ADAMTSL2: variants seen among roughly 807,000 people sequenced by gnomAD.
ADAMTSL2 encodes ADAMTS like 2, also known as ADAMTS-like protein 2.
A neutral mutation model predicts 117.0 loss-of-function variants in ADAMTSL2; 55 were observed. The ratio of observed to expected loss-of-function variants is 0.47; its 90% CI spans 0.38 to 0.59. The LOEUF is 0.59. ADAMTSL2 is among the 20% of genes least tolerant of loss of function. The pLI is 0.00. For missense variants in ADAMTSL2, 1,182 were observed against 1,354.5 expected, an observed-to-expected ratio of 0.87 and a Z score of 2.00; for synonymous variants, 572 against 566.4, an observed-to-expected ratio of 1.01 and a Z score of -0.14.
chr9:133,551,741 C>A (rs1380537505), intron 9 of ADAMTSL2, among the ~76,000 whole-genome samples: 1 of 146,626 alleles, frequency 6.8e-6, no homozygotes, highest in South Asian at 2.4e-4. Flanking sequence ...GCCCATGTGG[C>A]GGGCTGCTTG....
At chr9:133,573,771 T>A (rs1353491892) in intron 17 of ADAMTSL2, 72 bp from the exon 18 acceptor site, 1 of 1,589,334 alleles carries the variant, frequency 6.3e-7, no homozygotes, top group East Asian at 2.2e-5. Context: ...AGTGTGCAGG[T>A]TCCCCGCCCC....
At chr9:133,539,552 TG>T in intron 4 of ADAMTSL2, among the ~76,000 whole-genome samples, 1 of 140,578 alleles carries the variant, frequency 7.1e-6, no homozygotes, top group Admixed American at 7.1e-5. Context: ...AGGGCTGGCG[TG>T]GGGGGCGGAG....
chr9:133,541,784 C>T (rs1588281147), intron 7 of ADAMTSL2, among the ~76,000 whole-genome samples: 3 of 152,304 alleles, frequency 2.0e-5, no homozygotes, highest in African/African-American at 4.8e-5. Context: ...GCATTTGGCC[C>T]GATGTTTGTG....
intron 15 of ADAMTSL2, among the ~76,000 whole-genome samples, chr9:133,569,197 C>G (rs1831047354): frequency 6.6e-6 from 1 of 152,148 alleles, no homozygotes; most frequent in South Asian, 2.1e-4. Context: ...CACAGATGAT[C>G]TTTTTAAGTG....
In ADAMTSL2 at chr9:133,571,058, G is replaced by A. The variant is rs1046492790; in HGVS notation, c.2592+551G>A. Among the ~76,000 whole-genome samples, 237 of 152,302 alleles carry A rather than the reference G, an allele frequency of 1.6e-3. 2 individuals carry two copies. The highest frequency in any genetic ancestry group is 5.5e-3 in the African/African-American group (227 of 41,554). Reference sequence around the variant, plus strand: ...TCTTGGGCCCCCAGAATGCCCCAGCGTCAGGATGTGAGGCAGGACTATGCT... The same window carrying A: ...TCTTGGGCCCCCAGAATGCCCCAGCATCAGGATGTGAGGCAGGACTATGCT... On this transcript the variant is annotated intron_variant, in intron 17 of 18. Coordinates refer to ENST00000651351, the MANE Select transcript of ADAMTSL2 (RefSeq NM_014694.4).
intron 8 of ADAMTSL2, among the ~76,000 whole-genome samples, 178 bp from the exon 9 acceptor site, chr9:133,546,860 G>A (rs1327295853): frequency 6.6e-6 from 1 of 152,158 alleles, no homozygotes; most frequent in African/African-American, 2.4e-5. Flanking sequence ...AGAGGAACGT[G>A]CGTTTGCCCC....
intron 12 of ADAMTSL2, among the ~76,000 whole-genome samples, chr9:133,564,183 GGAGA>G (rs1267561929): frequency 6.3e-4 from 3 of 4,742 alleles, no homozygotes; most frequent in East Asian, 2.3e-3. Context: ...AGAGAGAGAG[GGAGA>G]GAGAGAGAGA....
Position 133,552,103 on chromosome 9 carries a change from C to T in ADAMTSL2, c.940-2254C>T, listed in dbSNP as rs536834397. On this transcript the variant is annotated intron_variant, in intron 9 of 18. Coordinates refer to ENST00000651351, the MANE Select transcript of ADAMTSL2 (RefSeq NM_014694.4). ...TCGGCCTCCCAAAGTGCTGGGATTA[C>T]AGGCGTGAGCCACCGCACCTGGCCA... Among the ~76,000 whole-genome samples, 100 of 152,310 alleles carry T rather than the reference C, an allele frequency of 6.6e-4. 1 individual carries two copies. Among genetic ancestry groups the T allele is most frequent in the Non-Finnish European group, 1.3e-4 (9 of 68,028 alleles).
rs1045235082 is a variant in ADAMTSL2 at position 133,554,983 on chromosome 9, C to G, written c.1276+290C>G. Among the ~76,000 whole-genome samples the G allele has an allele frequency of 4.6e-5, 7 of 152,104 alleles. No homozygotes were observed. Among genetic ancestry groups the G allele is most frequent in the Non-Finnish European group, 8.8e-5 (6 of 68,018 alleles). ...AGTCATGCAGTCCACCGTGGAGGAG[C>G]TGGGAGTCAAATGCAGGATGGTCTG... On this transcript the variant is annotated intron_variant, in intron 10 of 18. Transcript: ENST00000651351. This position sits in a 1 kb window ranked among gnomAD's most constrained non-coding sequence, Gnocchi z 5.2.
intron 1 of ADAMTSL2, among the ~76,000 whole-genome samples, chr9:133,535,216 G>A (rs1305627050): frequency 2.0e-5 from 3 of 152,200 alleles, no homozygotes; most frequent in Non-Finnish European, 4.4e-5. Flanking sequence ...AGCCAGTGGT[G>A]TCTGGAAGCC....
At chr9:133,549,591 T>G (rs1349081950) in intron 9 of ADAMTSL2, among the ~76,000 whole-genome samples, 1 of 148,422 alleles carries the variant, frequency 6.7e-6, no homozygotes, top group African/African-American at 2.5e-5. Flanking sequence ...TGCTATGTTG[T>G]CCAGGCTGGT....
intron 11 of ADAMTSL2, 36 bp from the exon 12 acceptor site, chr9:133,561,162 C>T (rs1830718762): frequency 9.7e-6 from 15 of 1,548,264 alleles, no homozygotes; most frequent in South Asian, 2.3e-5. Context: ...GGGCCTGGAG[C>T]GTCTCATCAC....
intron 9 of ADAMTSL2, among the ~76,000 whole-genome samples, chr9:133,551,304 A>ACC (rs370839921): frequency 0.11 from 16,905 of 151,448 alleles, 1,203 homozygotes; most frequent in Non-Finnish European, 0.14. Context: ...GGGCCCCCCC[A>ACC]CACACAGCCA....
chr9:133,557,870 G>A lies in ADAMTSL2; in HGVS notation c.1649+1940G>A, dbSNP rs1023211122. On this transcript the variant is annotated intron_variant, in intron 11 of 18. Transcript: ENST00000651351. The surrounding 1 kb of genome is among the most constrained non-coding windows in gnomAD (Gnocchi z 5.2). ...TTTATCAGAGTGGCACCGAGGCCTC[G>A]CTGTGGAATTTGGCTTAAGGCATGG... Among the ~76,000 whole-genome samples the A allele has an allele frequency of 2.6e-4, 40 of 152,284 alleles. No homozygotes were observed. The highest frequency in any genetic ancestry group is 9.1e-4 in the African/African-American group (38 of 41,550).
At chr9:133,552,020 G>A (rs1017481845) in intron 9 of ADAMTSL2, among the ~76,000 whole-genome samples, 3 of 151,918 alleles carry the variant, frequency 2.0e-5, no homozygotes, top group African/African-American at 2.4e-5. Context: ...AGTAGAGATG[G>A]GGTTTCACTA....
intron 9 of ADAMTSL2, among the ~76,000 whole-genome samples, chr9:133,551,449 A>G (rs1830481343): frequency 6.6e-6 from 1 of 152,046 alleles, no homozygotes; most frequent in Admixed American, 6.5e-5. Context: ...TCCACCTTAC[A>G]ATGGATTGCT....
intron 9 of ADAMTSL2, among the ~76,000 whole-genome samples, chr9:133,553,701 C>T (rs994850049): frequency 1.3e-5 from 2 of 152,186 alleles, no homozygotes; most frequent in Non-Finnish European, 2.9e-5. Context: ...AAATCCTAGG[C>T]CTGCCTGCTC....
upstream of ADAMTSL2, chr9:133,534,668 G>T: frequency 7.5e-7 from 1 of 1,336,138 alleles, no homozygotes; most frequent in South Asian, 2.0e-5. Context: ...CCGTCTGCCT[G>T]ACAGCTATAA....
Position 133,534,908 on chromosome 9 carries a change from C to T in ADAMTSL2, c.-160C>T. The T allele has an allele frequency of 7.1e-7, 1 of 1,408,846 alleles. No individual in the cohort carries two copies. Among genetic ancestry groups the T allele is most frequent in the Non-Finnish European group, 9.3e-7 (1 of 1,074,414 alleles). The allele number at this position is 1,408,846 out of a possible 1,614,324, so 87.3% of individuals were successfully genotyped here. A position where few individuals can be genotyped will look rare whatever the true frequency, so the allele number is the denominator to read the frequency against. On this transcript the variant is annotated 5_prime_UTR_variant, in exon 1 of 19. Coordinates refer to ENST00000651351, the MANE Select transcript of ADAMTSL2 (RefSeq NM_014694.4). ...TTCTCTGGGAGGACAACCTGCTGAC[C>T]CGAAGCCAGGTAGGCCACCTCGTCC...
Sources: allele counts gnomAD v4.1 joint callset (sites outside exome capture counted in the v4.1 genomes callset), GRCh38; gene constraint gnomAD v4.1.1; non-coding constraint Gnocchi (gnomAD v3.1); transcripts MANE v1.5; gene names NCBI Gene and HGNC (gene_info 2026-07-23, HGNC 2026-07-21).